MAP3K7: variants seen among roughly 807,000 people sequenced by gnomAD.
The protein encoded by MAP3K7 is TGF-beta activated kinase 1.
A neutral mutation model predicts 84.8 loss-of-function variants in MAP3K7; 21 were observed. That is an observed-to-expected ratio of 0.25 (90% CI 0.18 to 0.36). MAP3K7 has a LOEUF of 0.36. Among genes scored for constraint, MAP3K7 ranks in the 10% least tolerant of loss-of-function variants. MAP3K7 has a pLI of 1.00. For missense variants in MAP3K7, 503 were observed against 747.7 expected (o/e 0.67, Z 3.82); for synonymous variants, 241 against 247.7 (o/e 0.97, Z 0.25).
chr6:90,515,127 T>C lies in MAP3K7; in HGVS notation c.*1374A>G, dbSNP rs985420911. The C allele has an allele frequency of 7.9e-5, 12 of 152,024 alleles. No individual in the cohort carries two copies. The highest frequency in any genetic ancestry group is 1.5e-4 in the Non-Finnish European group (10 of 67,930). The allele number at this position is 152,024 out of a possible 1,614,324, so 9.4% of individuals were successfully genotyped here. On this transcript the variant is annotated 3_prime_UTR_variant, in exon 17 of 17. Coordinates refer to ENST00000369329, the MANE Select transcript of MAP3K7 (RefSeq NM_145331.3). ...AGCAAAAACTACAATACAGTCATGATAGAATTCTAATAATCACAGCAATTA... is the reference window on the plus strand; with the variant it reads ...AGCAAAAACTACAATACAGTCATGACAGAATTCTAATAATCACAGCAATTA...
chr6:90,517,349 G>A (rs1045104394), intron 16 of MAP3K7, among the ~76,000 whole-genome samples: 4 of 151,754 alleles, frequency 2.6e-5, no homozygotes, highest in Admixed American at 2.6e-4. Flanking sequence ...ATTTCCTAAA[G>A]TGAGGTTACT....
At chr6:90,519,656 T>C (rs545609138) in intron 14 of MAP3K7, among the ~76,000 whole-genome samples, 1 of 151,986 alleles carries the variant, frequency 6.6e-6, no homozygotes, top group Non-Finnish European at 1.5e-5. Flanking sequence ...TAATTGACCC[T>C]ATCTAATCAA....
At chr6:90,558,627 A>C (rs1239883400) in intron 5 of MAP3K7, among the ~76,000 whole-genome samples, 1 of 152,216 alleles carries the variant, frequency 6.6e-6, no homozygotes. Context: ...TGATTTTAGA[A>C]GGATATATCT....
intron 13 of MAP3K7, among the ~76,000 whole-genome samples, chr6:90,529,798 T>A (rs565996365): frequency 2.9e-4 from 44 of 152,262 alleles, no homozygotes; most frequent in Non-Finnish European, 4.3e-4. Flanking sequence ...TATTATAACC[T>A]CTTAAGGGCA....
intron 5 of MAP3K7, among the ~76,000 whole-genome samples, chr6:90,559,696 G>A (rs915173199): frequency 6.6e-6 from 1 of 152,122 alleles, no homozygotes; most frequent in African/African-American, 2.4e-5. Context: ...AATTTCTGTA[G>A]AATGTTTATG....
Position 90,565,495 on chromosome 6 carries a change from C to CT in MAP3K7, c.297+3062dup, listed in dbSNP as rs1447891882. ...GGATAAATTACTGGACACATACACC[C>CT]TCCCAAGACTAAACCAGGAAGAAGT... On this transcript the variant is annotated intron_variant, in intron 3 of 16. Transcript: ENST00000369329. Among the ~76,000 whole-genome samples, 6 of 152,138 alleles carry CT rather than the reference C, an allele frequency of 3.9e-5. No homozygotes were observed. In the East Asian group the frequency reaches 1.2e-3, roughly 29 times the overall value.
At chr6:90,519,952 C>T (rs547561391) in intron 14 of MAP3K7, among the ~76,000 whole-genome samples, 71 of 151,920 alleles carry the variant, frequency 4.7e-4, no homozygotes, top group African/African-American at 1.6e-3. Flanking sequence ...AATGTCATGC[C>T]GAAAACAGTT....
intron 5 of MAP3K7, among the ~76,000 whole-genome samples, chr6:90,559,107 GA>G (rs1776425100): frequency 6.6e-6 from 1 of 152,162 alleles, no homozygotes; most frequent in Non-Finnish European, 1.5e-5. Flanking sequence ...ATAGCCTCAG[GA>G]AAAATAAAAG....
chr6:90,524,234 C>G (rs1278272861), intron 13 of MAP3K7, among the ~76,000 whole-genome samples: 2 of 151,608 alleles, frequency 1.3e-5, no homozygotes, highest in African/African-American at 2.4e-5. Context: ...GGTCACTCAA[C>G]TAGGAAAAAA....
chr6:90,552,188 GA>G lies in MAP3K7; in HGVS notation c.737-10del. The G allele has an allele frequency of 6.3e-7, 1 of 1,591,452 alleles. No homozygotes were observed. Among genetic ancestry groups the G allele is most frequent in the Non-Finnish European group, 8.6e-7 (1 of 1,162,358 alleles). ...CAGTGGTGGTCGAGTACCTACAATT[GA>G]AAATGAGAGGAAGGGGGGAAGAATG... On this transcript the variant is annotated splice_polypyrimidine_tract_variant and intron_variant, in intron 7 of 16. Transcript: ENST00000369329.
chr6:90,515,083 TCTTG>T lies in MAP3K7; in HGVS notation c.*1414_*1417del, dbSNP rs1321383111. 6.6e-6 allele frequency: 1 copy of T among 152,036 alleles called. No individual in the cohort carries two copies. The highest frequency in any genetic ancestry group is 1.5e-5 in the Non-Finnish European group (1 of 67,944). 9.4% of individuals were successfully genotyped at this position (152,036 alleles called of 1,614,324 possible). A position where few individuals can be genotyped will look rare whatever the true frequency, so the allele number is the denominator to read the frequency against. On this transcript the variant is annotated 3_prime_UTR_variant, in exon 17 of 17. Coordinates refer to ENST00000369329, the MANE Select transcript of MAP3K7 (RefSeq NM_145331.3). The stretch of plus-strand genomic sequence containing the variant: ...AGAATAGTTTTGATAACTTCTTAGA[TCTTG>T]CTTATCTGAAATAGAGCAAAAACTA...
chr6:90,541,004 T>C (rs1775839191), intron 12 of MAP3K7, among the ~76,000 whole-genome samples: 1 of 151,860 alleles, frequency 6.6e-6, no homozygotes, highest in African/African-American at 2.4e-5. Flanking sequence ...AAATAGATTC[T>C]TGGAAGCTTA....
intron 14 of MAP3K7, among the ~76,000 whole-genome samples, chr6:90,521,870 T>C (rs1175583702): frequency 6.6e-6 from 1 of 152,120 alleles, no homozygotes; most frequent in Non-Finnish European, 1.5e-5. Flanking sequence ...GCTCTTTAGC[T>C]TTCTCTGAAA....
chr6:90,570,546 A>C (rs1422144120), intron 2 of MAP3K7, among the ~76,000 whole-genome samples: 2 of 152,194 alleles, frequency 1.3e-5, no homozygotes, highest in Non-Finnish European at 2.9e-5. Flanking sequence ...GACTGGGGAC[A>C]CCAAACATGA....
At chr6:90,577,644 A>T (rs1777132281) in intron 1 of MAP3K7, among the ~76,000 whole-genome samples, 2 of 152,262 alleles carry the variant, frequency 1.3e-5, no homozygotes, top group South Asian at 4.1e-4. Context: ...CAAAAGAAAA[A>T]GACGTTCCAG....
chr6:90,571,116 T>C (rs892242465), intron 2 of MAP3K7, among the ~76,000 whole-genome samples: 3 of 152,130 alleles, frequency 2.0e-5, no homozygotes, highest in Admixed American at 2.0e-4. Flanking sequence ...TTAATAGTGA[T>C]AAAAACATTG....
intron 11 of MAP3K7, among the ~76,000 whole-genome samples, chr6:90,545,783 G>C (rs1775983030): frequency 6.6e-6 from 1 of 152,150 alleles, no homozygotes; most frequent in South Asian, 2.1e-4. Context: ...AAAGTCATCA[G>C]ATAAAAGAGG....
chr6:90,583,030 G>A (rs533878575), intron 1 of MAP3K7, among the ~76,000 whole-genome samples: 1 of 151,914 alleles, frequency 6.6e-6, no homozygotes, highest in Non-Finnish European at 1.5e-5. Context: ...TTACAGGCCT[G>A]TGCCACCACA....
At chr6:90,563,605 G>A (rs1776597272) in intron 3 of MAP3K7, among the ~76,000 whole-genome samples, 1 of 152,232 alleles carries the variant, frequency 6.6e-6, no homozygotes, top group Admixed American at 6.5e-5. Flanking sequence ...TAGTGTACCT[G>A]AAAGTGATGG....
Sources: gnomAD v4.1 joint callset for allele counts (sites outside exome capture counted in the v4.1 genomes callset) on GRCh38, gnomAD v4.1.1 for gene constraint, MANE v1.5 for transcripts, NCBI Gene and HGNC (gene_info 2026-07-23, HGNC 2026-07-21) for gene names.